CSMD1: variants seen among roughly 807,000 people sequenced by gnomAD.
The protein encoded by CSMD1 is CUB and sushi domain-containing protein 1.
In CSMD1, 213 loss-of-function variants were observed where a neutral mutation model predicts 417.5. The observed-to-expected ratio is 0.51, with a 90% CI of 0.46 to 0.57. CSMD1 has a LOEUF of 0.57. Among genes scored for constraint, CSMD1 ranks in the 20% least tolerant of loss-of-function variants. The probability of loss-of-function intolerance (pLI) is 0.00; values close to 1 mark genes in which losing one functional copy is unlikely to be tolerated. For missense variants in CSMD1, 6,923 were observed against 4,529.7 expected (o/e 1.53, Z -15.17); for synonymous variants, 2,862 against 1,736.8 (o/e 1.65, Z -16.11).
intron 3 of CSMD1, among the ~76,000 whole-genome samples, chr8:4,348,338 G>C (rs537042489): frequency 6.6e-6 from 1 of 151,980 alleles, no homozygotes; most frequent in Non-Finnish European, 1.5e-5. Context: ...CCACAGCAGC[G>C]AAGTCATGGA....
At chr8:4,755,762 C>A (rs1312199181) in intron 1 of CSMD1, among the ~76,000 whole-genome samples, 1 of 152,146 alleles carries the variant, frequency 6.6e-6, no homozygotes, top group African/African-American at 2.4e-5. Context: ...CTTTTTGAAT[C>A]TCCCTCCAAA....
intron 49 of CSMD1, among the ~76,000 whole-genome samples, chr8:3,073,110 T>C (rs1281328416): frequency 2.0e-5 from 3 of 152,178 alleles, no homozygotes; most frequent in African/African-American, 7.2e-5. Flanking sequence ...CTTAAATAAA[T>C]ACAAAAGTCC....
chr8:3,053,838 T>C (rs558158976), intron 49 of CSMD1, among the ~76,000 whole-genome samples: 5 of 152,288 alleles, frequency 3.3e-5, no homozygotes, highest in Middle Eastern at 3.4e-3. Flanking sequence ...AAAAGTTCTA[T>C]GGTAACTAAA....
intron 3 of CSMD1, among the ~76,000 whole-genome samples, chr8:4,350,561 A>C (rs1036219330): frequency 6.6e-6 from 1 of 152,184 alleles, no homozygotes; most frequent in African/African-American, 2.4e-5. Flanking sequence ...CTGATTCCAC[A>C]TTTATTCAAT....
chr8:4,733,404 T>C (rs1475673666), intron 1 of CSMD1, among the ~76,000 whole-genome samples: 2 of 152,178 alleles, frequency 1.3e-5, no homozygotes, highest in East Asian at 1.9e-4. Flanking sequence ...AATAACCATA[T>C]CTTGGAAAGA....
intron 50 of CSMD1, among the ~76,000 whole-genome samples, chr8:3,033,386 G>C (rs980168639): frequency 6.6e-6 from 1 of 152,112 alleles, no homozygotes; most frequent in Admixed American, 6.6e-5. Flanking sequence ...ACTACTGATT[G>C]TTAGAAAGAG....
intron 3 of CSMD1, among the ~76,000 whole-genome samples, chr8:4,290,839 A>G (rs1355666258): frequency 6.6e-6 from 1 of 152,218 alleles, no homozygotes; most frequent in African/African-American, 2.4e-5. Flanking sequence ...ATTCAAAGCA[A>G]AATGAAAATA....
At chr8:4,842,190 T>G (rs1237172267) in intron 1 of CSMD1, among the ~76,000 whole-genome samples, 1 of 152,172 alleles carries the variant, frequency 6.6e-6, no homozygotes, top group Non-Finnish European at 1.5e-5. Flanking sequence ...TGAAAAGAAT[T>G]GTAGCTGTAA....
intron 7 of CSMD1, among the ~76,000 whole-genome samples, chr8:3,693,429 G>T (rs950792412): frequency 6.6e-6 from 1 of 152,076 alleles, no homozygotes; most frequent in African/African-American, 2.4e-5. Context: ...AATTGTGGGT[G>T]GGCTGACTTA....
chr8:4,271,981 G>C (rs959302252), intron 3 of CSMD1, among the ~76,000 whole-genome samples: 1 of 152,062 alleles, frequency 6.6e-6, no homozygotes, highest in South Asian at 2.1e-4. Context: ...TCCCTATATA[G>C]ATGGATTTCA....
At position 3,275,185 on chromosome 8, in the gene CSMD1, T is replaced by C. The variant is rs1027700413; in HGVS notation, c.4153+8959A>G. Among the ~76,000 whole-genome samples the C allele has an allele frequency of 1.3e-4, 20 of 152,336 alleles. No homozygotes were observed. In the Middle Eastern group the frequency reaches 0.01, roughly 78 times the overall value. On this transcript the variant is annotated intron_variant, in intron 26 of 69. Transcript: ENST00000635120. ...AAGTATTTTATTTCTCCTTCACTTA[T>C]GAAGCTTAGTTTGGCTGGATATGAA...
chr8:2,997,232 G>C (rs1436629498), intron 54 of CSMD1, among the ~76,000 whole-genome samples: 4 of 152,256 alleles, frequency 2.6e-5, no homozygotes, highest in African/African-American at 7.2e-5. Context: ...CTTACGCCAA[G>C]ACCTCCAATT....
chr8:3,586,318 G>GAAAAA, intron 8 of CSMD1, 58 bp from the exon 9 acceptor site: 1 of 1,212,574 alleles, frequency 8.2e-7, no homozygotes, highest in African/African-American at 1.6e-5. Flanking sequence ...ACTTCTTTAG[G>GAAAAA]AAAAAAAAAA....
chr8:4,055,082 G>C (rs1798622465), intron 3 of CSMD1, among the ~76,000 whole-genome samples: 3 of 152,148 alleles, frequency 2.0e-5, no homozygotes, highest in Admixed American at 2.0e-4. Flanking sequence ...ATACTCATGA[G>C]ATTATTAGTA....
At chr8:3,310,289 CAG>C (rs1805224692) in intron 23 of CSMD1, among the ~76,000 whole-genome samples, 1 of 152,124 alleles carries the variant, frequency 6.6e-6, no homozygotes, top group Admixed American at 6.6e-5. Context: ...TCTGTTTTCG[CAG>C]AGAGGAAAAA....
At chr8:3,652,078 G>A (rs898844410) in intron 7 of CSMD1, among the ~76,000 whole-genome samples, 9 of 145,042 alleles carry the variant, frequency 6.2e-5, no homozygotes, top group East Asian at 4.3e-4. Flanking sequence ...CCATCAGAGC[G>A]CTTACCACCA....
chr8:4,983,955 G>A (rs749822065), intron 1 of CSMD1, among the ~76,000 whole-genome samples: 4 of 152,078 alleles, frequency 2.6e-5, no homozygotes, highest in Non-Finnish European at 5.9e-5. Flanking sequence ...GAAAACTGAA[G>A]GTATAGTTAG....
intron 1 of CSMD1, among the ~76,000 whole-genome samples, chr8:4,901,157 AG>A (rs1268114081): frequency 6.6e-6 from 1 of 152,242 alleles, no homozygotes; most frequent in Non-Finnish European, 1.5e-5. Context: ...ATCTGGGCTA[AG>A]AAAGATTTTC....
chr8:3,559,107 T>A (rs1799355748), intron 10 of CSMD1, among the ~76,000 whole-genome samples: 1 of 152,218 alleles, frequency 6.6e-6, no homozygotes, highest in Non-Finnish European at 1.5e-5. Flanking sequence ...GATTTTAACT[T>A]TGCTATCAAC....
Sources: allele counts gnomAD v4.1 joint callset (sites outside exome capture counted in the v4.1 genomes callset), GRCh38; gene constraint gnomAD v4.1.1; transcripts MANE v1.5; gene names NCBI Gene and HGNC (gene_info 2026-07-23, HGNC 2026-07-21).